C10orf53: variants seen among roughly 807,000 people sequenced by gnomAD.
The protein encoded by C10orf53 is UPF0728 protein C10orf53.
In C10orf53, 8 loss-of-function variants were observed where a neutral mutation model predicts 9.4. The ratio of observed to expected loss-of-function variants is 0.85; its 90% CI spans 0.50 to 1.53. C10orf53 has a LOEUF of 1.53. Ranked by LOEUF, C10orf53 falls within the 40% of genes most tolerant of loss-of-function variation. The probability of loss-of-function intolerance (pLI) is 0.00; values close to 1 mark genes in which losing one functional copy is unlikely to be tolerated. For missense variants in C10orf53, 117 were observed against 117.8 expected (o/e 0.99, Z 0.03); for synonymous variants, 48 against 46.0 (o/e 1.04, Z -0.18).
downstream of C10orf53, among the ~76,000 whole-genome samples, chr10:49,698,656 A>T (rs1407695069): frequency 6.6e-6 from 1 of 152,234 alleles, no homozygotes; most frequent in Non-Finnish European, 1.5e-5. Context: ...GGTCTCGGGC[A>T]TAAGGCGTGT....
At chr10:49,682,744 A>AT (rs1279641090) in intron 1 of C10orf53, among the ~76,000 whole-genome samples, 13 of 152,240 alleles carry the variant, frequency 8.5e-5, no homozygotes, top group Admixed American at 1.3e-4. Flanking sequence ...TGATTGGTGC[A>AT]TTTACAATCC....
rs1464869857 is a variant in C10orf53 at position 49,694,519 on chromosome 10, A to G, written c.218-19A>G. The stretch of plus-strand genomic sequence containing the variant: ...TGTATATAAAGCTAACCAAAAGACA[A>G]TTATATCTGTTTCCCTAGGAGGCGA... On this transcript the variant is annotated intron_variant, in intron 2 of 2. Coordinates refer to ENST00000374111, the MANE Select transcript of C10orf53 (RefSeq NM_001042427.3). The G allele has an allele frequency of 1.2e-6, 2 of 1,614,028 alleles. No individual in the cohort carries two copies. The highest frequency in any genetic ancestry group is 1.7e-6 in the Non-Finnish European group (2 of 1,179,906).
chr10:49,694,454 C>G (rs1554811627), intron 2 of C10orf53, 84 bp from the exon 3 acceptor site: 2 of 1,563,936 alleles, frequency 1.3e-6, no homozygotes, highest in South Asian at 1.1e-5. Flanking sequence ...AAAATGCACT[C>G]TGGGTGGAAG....
rs148786449 is a variant in C10orf53 at position 49,686,743 on chromosome 10, G to A, written c.97+6949G>A. ...AGCCTGGTAAATTCTAGTCAGACCG[G>A]TTGTCTGCTCTCGAACCCTGTTTCC... On this transcript the variant is annotated intron_variant, in intron 1 of 2. Coordinates refer to ENST00000374111, the MANE Select transcript of C10orf53 (RefSeq NM_001042427.3). 3.3e-3 allele frequency among the ~76,000 whole-genome samples: 500 copies of A among 152,340 alleles called. 2 individuals are homozygous for A. Among genetic ancestry groups the A allele is most frequent in the African/African-American group, 0.011 (478 of 41,578 alleles).
chr10:49,690,336 A>AC (rs1276807859), intron 1 of C10orf53, among the ~76,000 whole-genome samples: 11 of 151,990 alleles, frequency 7.2e-5, no homozygotes, highest in Admixed American at 2.0e-4. Context: ...GAGCATCTGC[A>AC]CCCCCCCACA....
chr10:49,689,867 A>T (rs1416415952), intron 1 of C10orf53, among the ~76,000 whole-genome samples: 1 of 152,236 alleles, frequency 6.6e-6, no homozygotes, highest in Non-Finnish European at 1.5e-5. Context: ...AAAAAGTATT[A>T]TGAATCTTCA....
chr10:49,690,258 C>T (rs552842662), intron 1 of C10orf53, among the ~76,000 whole-genome samples: 15 of 152,220 alleles, frequency 9.9e-5, no homozygotes, highest in African/African-American at 3.6e-4. Flanking sequence ...TTCTGTGTTT[C>T]GATGAATGAT....
chr10:49,707,569 A>G (rs1372875531), intron 2 of C10orf53, among the ~76,000 whole-genome samples: 1 of 152,210 alleles, frequency 6.6e-6, no homozygotes, highest in Non-Finnish European at 1.5e-5. Context: ...ATCGAGCTCC[A>G]AGACTTGACT....
At chr10:49,683,092 C>T (rs1840495490) in intron 1 of C10orf53, among the ~76,000 whole-genome samples, 1 of 152,200 alleles carries the variant, frequency 6.6e-6, no homozygotes, top group South Asian at 2.1e-4. Flanking sequence ...ATTGCTGAGT[C>T]ATATGGTAAT....
At chr10:49,707,737 G>T (rs1482483665) in intron 2 of C10orf53, among the ~76,000 whole-genome samples, 1 of 152,106 alleles carries the variant, frequency 6.6e-6, no homozygotes, top group Non-Finnish European at 1.5e-5. Context: ...GCAGTGGAGT[G>T]GCATGGAAGC....
Position 49,680,416 on chromosome 10 carries a change from A to AG in C10orf53, c.97+622_97+623insG, listed in dbSNP as rs1476866820. Among the ~76,000 whole-genome samples, 15 of 152,366 alleles carry AG rather than the reference A, an allele frequency of 9.8e-5. No homozygotes were observed. In the East Asian group the frequency reaches 2.7e-3, roughly 27 times the overall value. On this transcript the variant is annotated intron_variant, in intron 1 of 2. Coordinates refer to ENST00000374111, the MANE Select transcript of C10orf53 (RefSeq NM_001042427.3). ...TAAGTGGAGCCTTAAATGAGCCCAC[A>AG]TTTAAGTAGACCTTTAAAGAATGAG...
chr10:49,701,774 C>A (rs555180200), downstream of C10orf53, among the ~76,000 whole-genome samples: 5 of 152,122 alleles, frequency 3.3e-5, no homozygotes, highest in African/African-American at 7.2e-5. Context: ...GCATCGCATG[C>A]CAGCCACACT....
intron 2 of C10orf53, 113 bp downstream of exon 2, chr10:49,694,006 T>G: frequency 6.7e-7 from 1 of 1,484,272 alleles, no homozygotes; most frequent in Non-Finnish European, 9.3e-7. Context: ...GGTTTCTTTC[T>G]GAGTTTGAAA....
intron 2 of C10orf53, among the ~76,000 whole-genome samples, chr10:49,705,379 A>C (rs574565814): frequency 6.6e-6 from 1 of 152,326 alleles, no homozygotes; most frequent in South Asian, 2.1e-4. Flanking sequence ...CCATTCAAAA[A>C]TAATGTTTTA....
intron 1 of C10orf53, among the ~76,000 whole-genome samples, chr10:49,686,875 G>A (rs1357526246): frequency 2.6e-5 from 4 of 152,132 alleles, no homozygotes; most frequent in African/African-American, 9.7e-5. Flanking sequence ...TGAAGCATGT[G>A]GTCCTTGTGA....
intron 1 of C10orf53, among the ~76,000 whole-genome samples, chr10:49,687,019 G>T (rs1461916245): frequency 3.9e-5 from 6 of 152,180 alleles, no homozygotes; most frequent in Non-Finnish European, 5.9e-5. Context: ...ATGCCACAAA[G>T]CTTTCCTACC....
At chr10:49,707,425 C>A (rs144420637) in intron 2 of C10orf53, among the ~76,000 whole-genome samples, 1 of 152,294 alleles carries the variant, frequency 6.6e-6, no homozygotes, top group East Asian at 1.9e-4. Context: ...GTCTCCATCA[C>A]CATAATCAAT....
Position 49,693,829 on chromosome 10 carries a change from TG to T in C10orf53, c.154del (p.Val52TrpfsTer6). 6.2e-7 allele frequency: 1 copy of T among 1,613,990 alleles called. No individual in the cohort carries two copies. The highest frequency in any genetic ancestry group is 2.2e-5 in the East Asian group (1 of 44,886). The stretch of plus-strand genomic sequence containing the variant: ...TCCTAGAGAAGATAGAAGACTGGAA[TG>T]TGGTGGAACTCATGGTGAATGAAGA... ...VILEKIEDWN[V>X]VELMVNEEVI... On this transcript the variant is annotated frameshift_variant, in exon 2 of 3. Coordinates refer to ENST00000374111, the MANE Select transcript of C10orf53 (RefSeq NM_001042427.3). LOFTEE classifies it high-confidence loss of function.
chr10:49,689,184 G>T (rs530307212), intron 1 of C10orf53, among the ~76,000 whole-genome samples: 33 of 152,182 alleles, frequency 2.2e-4, no homozygotes, highest in Admixed American at 7.8e-4. Flanking sequence ...GGAGATGGCA[G>T]GATGATGAGA....
Sources: gnomAD v4.1 joint callset for allele counts (sites outside exome capture counted in the v4.1 genomes callset) on GRCh38, gnomAD v4.1.1 for gene constraint, MANE v1.5 for transcripts, NCBI Gene and HGNC (gene_info 2026-07-23, HGNC 2026-07-21) for gene names.